Variants in CENPT observed in about 807,000 individuals in gnomAD.
CENPT encodes the protein interphase centromere complex protein 22.
In CENPT, 42 loss-of-function variants were observed where a neutral mutation model predicts 59.7. That is an observed-to-expected ratio of 0.70 (90% CI 0.55 to 0.91). CENPT has a LOEUF of 0.91. CENPT is among the 40% of genes least tolerant of loss of function. The pLI is 0.00. For missense variants in CENPT, 716 were observed against 713.4 expected (o/e 1.00, Z -0.04); for synonymous variants, 295 against 289.6 (o/e 1.02, Z -0.19).
intron 13 of CENPT, 130 bp downstream of exon 13, chr16:67,829,293 A>T (rs2057653017): frequency 1.4e-6 from 1 of 726,978 alleles, no homozygotes; most frequent in African/African-American, 1.9e-5. Flanking sequence ...AGCTCTCCCC[A>T]GCCCAGCTGA....
rs2057640066 is a variant in CENPT, at chr16:67,828,769, C to CGGGGCCT, written c.1348_1354dup (p.Arg452GlnfsTer19). On this transcript the variant is annotated frameshift_variant, in exon 14 of 16. Coordinates refer to ENST00000562787, the MANE Select transcript of CENPT (RefSeq NM_025082.4). LOFTEE classifies it high-confidence loss of function. ...CAGTCCAGCCTTGTGGGGATCTTGCCGGGGCCTGGGGCCGGTGGTCCGGGG... is the reference window on the plus strand; with the variant it reads ...CAGTCCAGCCTTGTGGGGATCTTGCCGGGGCCTGGGGCCTGGGGCCGGTGGTCCGGGG... 1.9e-6 allele frequency: 3 copies of CGGGGCCT among 1,610,388 alleles called. No individual in the cohort carries two copies. In the African/African-American group the frequency reaches 4.0e-5, roughly 22 times the overall value.
chr16:67,844,939 C>G (rs1380156776), intron 1 of CENPT, among the ~76,000 whole-genome samples: 1 of 152,096 alleles, frequency 6.6e-6, no homozygotes, highest in African/African-American at 2.4e-5. Flanking sequence ...TAGGCACCCG[C>G]CACCACGTCG....
chr16:67,846,504 C>T (rs2057799696), intron 1 of CENPT, among the ~76,000 whole-genome samples: 1 of 152,254 alleles, frequency 6.6e-6, no homozygotes, highest in Non-Finnish European at 1.5e-5. Context: ...AGCCATAGCC[C>T]CAAGGGGAGG....
intron 1 of CENPT, among the ~76,000 whole-genome samples, chr16:67,846,157 A>C (rs1275789742): frequency 1.3e-5 from 2 of 152,254 alleles, no homozygotes; most frequent in Non-Finnish European, 1.5e-5. Flanking sequence ...AACTATTTAC[A>C]ATCTGGTCAC....
At chr16:67,829,187 C>G (rs757549220) in intron 13 of CENPT, 8 of 518,910 alleles carry the variant, frequency 1.5e-5, no homozygotes, top group Non-Finnish European at 2.7e-5. Flanking sequence ...TTCCAGGAAG[C>G]CTTTTCTGAC....
chr16:67,842,258 T>G lies in CENPT; in HGVS notation c.-492+5143A>C. ...ACACCCGCCCCGGAAGTGAGCCGCT[T>G]CTGGCGCGGGGCATTGTGGGGGGCG... On this transcript the variant is annotated intron_variant, in intron 1 of 15. Coordinates refer to ENST00000562787, the MANE Select transcript of CENPT (RefSeq NM_025082.4). This position sits in a 1 kb window ranked among gnomAD's most constrained non-coding sequence, Gnocchi z 4.9. The G allele has an allele frequency of 6.4e-6, 1 of 156,494 alleles. No homozygotes were observed. The highest frequency in any genetic ancestry group is 1.4e-5 in the Non-Finnish European group (1 of 70,816). The allele number at this position is 156,494 out of a possible 1,614,324, so 9.7% of individuals were successfully genotyped here.
In CENPT at chr16:67,831,260, CCCACGT is replaced by C. The variant is rs1438235587; in HGVS notation, c.653_658del (p.Asp218_Val219del). On this transcript the variant is annotated inframe_deletion, in exon 10 of 16. Transcript: ENST00000562787. ...ATCTCGCAGATCCCGCAAAAAGGCA[CCCACGT>C]CTACAGCTCGGCGGGCTGGAGGTCT... The C allele has an allele frequency of 3.1e-6, 5 of 1,614,180 alleles. No homozygotes were observed. Among genetic ancestry groups the C allele is most frequent in the Middle Eastern group, 1.6e-4 (1 of 6,062 alleles).
chr16:67,828,592 G>A lies in CENPT; in HGVS notation c.1458-14C>T, dbSNP rs1469475845. On this transcript the variant is annotated splice_polypyrimidine_tract_variant and intron_variant, in intron 14 of 15. Transcript: ENST00000562787. Reference sequence around the variant, plus strand: ...TATTTATCTAGGCTGTCAAGAAGGTGGGGATAGAGCAGGCTGAACAGTCTG... The same window carrying A: ...TATTTATCTAGGCTGTCAAGAAGGTAGGGATAGAGCAGGCTGAACAGTCTG... 28 of 1,613,874 alleles carry A rather than the reference G, an allele frequency of 1.7e-5. No individual in the cohort carries two copies. The Admixed American group carries it at 4.2e-4, about 24-fold the overall frequency.
At chr16:67,829,144 C>G in intron 13 of CENPT, 1 of 515,772 alleles carries the variant, frequency 1.9e-6, no homozygotes, top group Non-Finnish European at 3.4e-6. Flanking sequence ...TCTCCTTACT[C>G]TACTGCTGCC....
At chr16:67,830,670 T>C in intron 10 of CENPT, 122 bp from the exon 11 acceptor site, 1 of 974,642 alleles carries the variant, frequency 1.0e-6, no homozygotes, top group Non-Finnish European at 1.5e-6. Context: ...GACAGTGGGC[T>C]GCATGGGTCC....
intron 1 of CENPT, chr16:67,846,804 C>G (rs894883177): frequency 2.0e-5 from 3 of 152,340 alleles, no homozygotes; most frequent in Non-Finnish European, 4.4e-5. Context: ...TGGGCCTCCG[C>G]GCATAGCACG....
At chr16:67,844,123 G>C (rs2057782472) in intron 1 of CENPT, 1 of 166,832 alleles carries the variant, frequency 6.0e-6, no homozygotes, top group Non-Finnish European at 1.5e-5. Context: ...TCTATTTTCT[G>C]TACAATTAGT....
chr16:67,835,901 C>G (rs539037353), intron 1 of CENPT, among the ~76,000 whole-genome samples: 22 of 151,218 alleles, frequency 1.5e-4, no homozygotes, highest in Middle Eastern at 3.4e-3. Flanking sequence ...GGATTACAGG[C>G]TGGCACCACC....
At chr16:67,841,613 C>T (rs1340134191) in intron 1 of CENPT, 2 of 152,048 alleles carry the variant, frequency 1.3e-5, no homozygotes, top group Non-Finnish European at 2.9e-5. Flanking sequence ...ATCTATTATC[C>T]AAAAGACAGA....
In CENPT at chr16:67,847,443, C is replaced by T. The variant is rs1345763065; in HGVS notation, c.-534G>A. Reference sequence around the variant, plus strand: ...ATGGGCAGCGCCACCCGGCCCGCTCCAGAGTCAGCATGGGTAAGGGCGCCC... The same window carrying T: ...ATGGGCAGCGCCACCCGGCCCGCTCTAGAGTCAGCATGGGTAAGGGCGCCC... On this transcript the variant is annotated 5_prime_UTR_variant, in exon 1 of 16. Transcript: ENST00000562787. 1 of 152,340 alleles carries T rather than the reference C, an allele frequency of 6.6e-6. No individual in the cohort carries two copies. Among genetic ancestry groups the T allele is most frequent in the African/African-American group, 2.4e-5 (1 of 41,462 alleles). 9.4% of individuals were successfully genotyped at this position (152,340 alleles called of 1,614,324 possible).
intron 14 of CENPT, 21 bp from the exon 15 acceptor site, chr16:67,828,599 G>C (rs760861147): frequency 3.7e-6 from 6 of 1,613,822 alleles, no homozygotes; most frequent in Middle Eastern, 1.6e-4. Flanking sequence ...GGTGGGGATA[G>C]AGCAGGCTGA....
At chr16:67,844,729 TAAG>T (rs1239219002) in intron 1 of CENPT, among the ~76,000 whole-genome samples, 1 of 152,042 alleles carries the variant, frequency 6.6e-6, no homozygotes, top group African/African-American at 2.4e-5. Flanking sequence ...CAGAGAGCAT[TAAG>T]AAGTTGGGAG....
intron 14 of CENPT, 34 bp downstream of exon 14, chr16:67,828,633 G>C: frequency 1.2e-6 from 2 of 1,613,764 alleles, no homozygotes; most frequent in East Asian, 2.2e-5. Flanking sequence ...GACCCGAGGG[G>C]TTCCTCTCCC....
At chr16:67,831,455 C>T (rs1567368918) in intron 9 of CENPT, 97 bp from the exon 10 acceptor site, 1 of 1,570,656 alleles carries the variant, frequency 6.4e-7, no homozygotes, top group African/African-American at 1.4e-5. Context: ...TCTCTTAGAA[C>T]AGATGCTGTG....
Sources: allele counts gnomAD v4.1 joint callset (sites outside exome capture counted in the v4.1 genomes callset), GRCh38; gene constraint gnomAD v4.1.1; non-coding constraint Gnocchi (gnomAD v3.1); transcripts MANE v1.5; gene names NCBI Gene and HGNC (gene_info 2026-07-23, HGNC 2026-07-21).